Variants in KCNIP4 observed in about 807,000 individuals in gnomAD.
KCNIP4 encodes potassium voltage-gated channel interacting protein 4, also known as Kv channel-interacting protein 4.
Under a neutral mutation model 34.0 loss-of-function variants are expected in KCNIP4, and 12 were observed. That is an observed-to-expected ratio of 0.35 (90% CI 0.23 to 0.57). The LOEUF (loss-of-function observed/expected upper bound fraction) is 0.57, where lower values mean the gene tolerates loss of function less well. KCNIP4 is among the 20% of genes least tolerant of loss of function. The pLI is 0.83. For missense variants in KCNIP4, 238 were observed against 311.7 expected, an observed-to-expected ratio of 0.76 and a Z score of 1.78; for synonymous variants, 124 against 102.2, an observed-to-expected ratio of 1.21 and a Z score of -1.29.
intron 1 of KCNIP4, among the ~76,000 whole-genome samples, chr4:21,878,118 G>C (rs1312165014): frequency 6.6e-6 from 1 of 152,172 alleles, no homozygotes; most frequent in Non-Finnish European, 1.5e-5. Flanking sequence ...CACAGTCTCA[G>C]CTCACTGTAA....
intron 1 of KCNIP4, among the ~76,000 whole-genome samples, chr4:21,555,121 G>T (rs1738900604): frequency 6.6e-6 from 1 of 152,052 alleles, no homozygotes; most frequent in African/African-American, 2.4e-5. Context: ...GCTTGCAAAT[G>T]CCTCAAGAAG....
At chr4:21,750,126 C>T (rs1180281401) in intron 1 of KCNIP4, among the ~76,000 whole-genome samples, 1 of 152,094 alleles carries the variant, frequency 6.6e-6, no homozygotes, top group East Asian at 1.9e-4. Flanking sequence ...TCCTTTTGTC[C>T]TGGGTTTCCA....
At chr4:21,832,729 A>C (rs1723068830) in intron 1 of KCNIP4, among the ~76,000 whole-genome samples, 2 of 123,780 alleles carry the variant, frequency 1.6e-5, no homozygotes, top group Admixed American at 8.0e-5. Context: ...TCCCAATGCT[A>C]TCCCTCCCCC....
At chr4:21,644,605 T>C (rs1560588392) in intron 1 of KCNIP4, among the ~76,000 whole-genome samples, 1 of 152,170 alleles carries the variant, frequency 6.6e-6, no homozygotes, top group African/African-American at 2.4e-5. Flanking sequence ...TCTGTGGTAT[T>C]ATTATTTTAG....
At chr4:21,889,895 G>A (rs1484522026) in intron 1 of KCNIP4, among the ~76,000 whole-genome samples, 1 of 152,158 alleles carries the variant, frequency 6.6e-6, no homozygotes, top group Non-Finnish European at 1.5e-5. Flanking sequence ...GGCTCCCAGA[G>A]TCTTGTATAT....
chr4:20,777,843 A>G (rs369471594), intron 3 of KCNIP4, among the ~76,000 whole-genome samples: 13 of 152,214 alleles, frequency 8.5e-5, no homozygotes, highest in East Asian at 7.7e-4. Flanking sequence ...GTCAGAGGTC[A>G]AAGCTTACAG....
chr4:20,879,736 A>G (rs1169155851), intron 2 of KCNIP4, among the ~76,000 whole-genome samples: 1 of 152,224 alleles, frequency 6.6e-6, no homozygotes, highest in Non-Finnish European at 1.5e-5. Context: ...AAATAACAAC[A>G]GAACTCAAGA....
At chr4:21,842,112 A>G (rs1167341915) in intron 1 of KCNIP4, among the ~76,000 whole-genome samples, 1 of 152,192 alleles carries the variant, frequency 6.6e-6, no homozygotes, top group Non-Finnish European at 1.5e-5. Context: ...TTATTCATCA[A>G]TAAAATATAT....
At chr4:20,749,914 A>C (rs1176410483) in intron 4 of KCNIP4, among the ~76,000 whole-genome samples, 182 bp from the exon 5 acceptor site, 1 of 152,206 alleles carries the variant, frequency 6.6e-6, no homozygotes, top group Non-Finnish European at 1.5e-5. Flanking sequence ...CACAGGAAGA[A>C]GCAACCTACA....
At chr4:21,915,683 T>C (rs1284584454) in intron 1 of KCNIP4, among the ~76,000 whole-genome samples, 1 of 152,222 alleles carries the variant, frequency 6.6e-6, no homozygotes, top group Non-Finnish European at 1.5e-5. Context: ...ACCTATTACA[T>C]AGTATGTGCC....
chr4:20,929,570 T>C (rs1418775563), intron 1 of KCNIP4, among the ~76,000 whole-genome samples: 1 of 151,986 alleles, frequency 6.6e-6, no homozygotes, highest in East Asian at 1.9e-4. Flanking sequence ...AAAAAGCATT[T>C]AAGTCAGAAA....
intron 3 of KCNIP4, among the ~76,000 whole-genome samples, chr4:20,836,290 C>T (rs1719032607): frequency 6.6e-6 from 1 of 152,172 alleles, no homozygotes; most frequent in Admixed American, 6.6e-5. Context: ...CCTTTCCTGC[C>T]TTAGGGCTTT....
intron 1 of KCNIP4, among the ~76,000 whole-genome samples, chr4:21,074,901 T>C (rs1327591877): frequency 1.3e-5 from 2 of 152,322 alleles, no homozygotes; most frequent in East Asian, 1.9e-4. Flanking sequence ...ATGTACCCAG[T>C]AGTCATTCAG....
At chr4:20,770,951 A>AATAG (rs936912871) in intron 3 of KCNIP4, among the ~76,000 whole-genome samples, 2 of 151,966 alleles carry the variant, frequency 1.3e-5, no homozygotes, top group African/African-American at 4.8e-5. Flanking sequence ...TAAATAAATA[A>AATAG]ACAAACAATA....
At chr4:21,804,939 T>C (rs891243354) in intron 1 of KCNIP4, among the ~76,000 whole-genome samples, 4 of 152,158 alleles carry the variant, frequency 2.6e-5, no homozygotes, top group African/African-American at 9.6e-5. Context: ...AATGTTTACC[T>C]GACAACAGAG....
intron 1 of KCNIP4, among the ~76,000 whole-genome samples, chr4:20,922,334 A>G (rs1457573332): frequency 6.6e-6 from 1 of 152,208 alleles, no homozygotes; most frequent in Non-Finnish European, 1.5e-5. Context: ...TAGAACAAAA[A>G]GGTAGAGGAA....
At chr4:21,728,230 C>T (rs1403329730) in intron 1 of KCNIP4, among the ~76,000 whole-genome samples, 1 of 152,202 alleles carries the variant, frequency 6.6e-6, no homozygotes, top group Non-Finnish European at 1.5e-5. Flanking sequence ...ACTAACCAAA[C>T]TCCAAATCTC....
chr4:20,945,650 C>G (rs1392562696), intron 1 of KCNIP4, among the ~76,000 whole-genome samples: 1 of 152,010 alleles, frequency 6.6e-6, no homozygotes, highest in Non-Finnish European at 1.5e-5. Context: ...ACAAATTTTG[C>G]CCTACTTTAG....
intron 1 of KCNIP4, among the ~76,000 whole-genome samples, chr4:21,799,075 C>T (rs1425383006): frequency 6.6e-6 from 1 of 151,982 alleles, no homozygotes; most frequent in African/African-American, 2.4e-5. Flanking sequence ...CTTTTACATT[C>T]TTGAAAGTAT....
Sources: allele counts gnomAD v4.1 joint callset (sites outside exome capture counted in the v4.1 genomes callset), GRCh38; gene constraint gnomAD v4.1.1; transcripts MANE v1.5; gene names NCBI Gene and HGNC (gene_info 2026-07-23, HGNC 2026-07-21).